HTR1F: variants seen among roughly 807,000 people sequenced by gnomAD.
HTR1F encodes 5-hydroxytryptamine receptor 1F, also known as 5-hydroxytryptamine (serotonin) receptor 1F, G protein-coupled.
In HTR1F, 17 loss-of-function variants were observed where a neutral mutation model predicts 24.0. That is an observed-to-expected ratio of 0.71 (90% CI 0.48 to 1.06). HTR1F has a LOEUF of 1.06. HTR1F is among the 50% of genes least tolerant of loss of function. The probability of loss-of-function intolerance (pLI) is 0.00; values close to 1 mark genes in which losing one functional copy is unlikely to be tolerated. For missense variants in HTR1F, 391 were observed against 427.8 expected, an observed-to-expected ratio of 0.91 and a Z score of 0.76; for synonymous variants, 186 against 156.8, an observed-to-expected ratio of 1.19 and a Z score of -1.39.
At chr3:87,870,114 C>A (rs1370451871) in intron 2 of HTR1F, among the ~76,000 whole-genome samples, 2 of 151,992 alleles carry the variant, frequency 1.3e-5, no homozygotes, top group African/African-American at 4.8e-5. Context: ...TTACTGAGCA[C>A]CATCTATGTA....
At chr3:87,917,864 A>G (rs1703929239) in intron 2 of HTR1F, among the ~76,000 whole-genome samples, 1 of 152,090 alleles carries the variant, frequency 6.6e-6, no homozygotes, top group Non-Finnish European at 1.5e-5. Flanking sequence ...TCCCTAAATC[A>G]TTCTATGAAG....
intron 2 of HTR1F, among the ~76,000 whole-genome samples, chr3:87,922,712 T>A (rs1341113156): frequency 1.3e-5 from 2 of 151,946 alleles, no homozygotes; most frequent in African/African-American, 2.4e-5. Context: ...TAGGGAGAGA[T>A]GGGGTGTAGT....
At chr3:87,940,966 C>A (rs1704554063) in intron 2 of HTR1F, among the ~76,000 whole-genome samples, 1 of 152,226 alleles carries the variant, frequency 6.6e-6, no homozygotes. Flanking sequence ...TACCTGTAAA[C>A]AATGAGGCCA....
intron 2 of HTR1F, among the ~76,000 whole-genome samples, chr3:87,900,590 T>C (rs1706299344): frequency 6.6e-6 from 1 of 152,184 alleles, no homozygotes; most frequent in Admixed American, 6.6e-5. Context: ...GAATATAACA[T>C]AAGCCTGGGT....
At chr3:87,937,070 T>C (rs1704438952) in intron 2 of HTR1F, among the ~76,000 whole-genome samples, 1 of 135,598 alleles carries the variant, frequency 7.4e-6, no homozygotes, top group Non-Finnish European at 1.5e-5. Flanking sequence ...GTACCATCCC[T>C]GTTGAAACTA....
At chr3:87,862,556 G>C (rs192295878) in intron 2 of HTR1F, among the ~76,000 whole-genome samples, 35 of 152,230 alleles carry the variant, frequency 2.3e-4, no homozygotes, top group African/African-American at 8.2e-4. Context: ...CTGATATAAA[G>C]TTTTCAAGAC....
chr3:87,978,509 G>A (rs1705449334), intron 2 of HTR1F, among the ~76,000 whole-genome samples: 1 of 152,132 alleles, frequency 6.6e-6, no homozygotes, highest in Admixed American at 6.5e-5. Context: ...CAGCTCTCAG[G>A]AGACCCAGAG....
At chr3:87,929,934 A>C (rs1400181943) in intron 2 of HTR1F, among the ~76,000 whole-genome samples, 1 of 152,210 alleles carries the variant, frequency 6.6e-6, no homozygotes, top group Non-Finnish European at 1.5e-5. Flanking sequence ...ACCCATGAGC[A>C]TGAAATGTTT....
intron 2 of HTR1F, among the ~76,000 whole-genome samples, chr3:87,885,055 A>T (rs528684777): frequency 6.6e-6 from 1 of 152,302 alleles, no homozygotes; most frequent in East Asian, 1.9e-4. Flanking sequence ...TCAGCACCAC[A>T]TCACACTTAT....
intron 2 of HTR1F, among the ~76,000 whole-genome samples, chr3:87,826,797 G>A (rs745658875): frequency 2.6e-5 from 4 of 152,060 alleles, no homozygotes; most frequent in Non-Finnish European, 4.4e-5. Context: ...ATAATGGAAG[G>A]TGTTGCTATC....
chr3:87,978,815 G>A, intron 2 of HTR1F, among the ~76,000 whole-genome samples: 1 of 140,070 alleles, frequency 7.1e-6, no homozygotes, highest in African/African-American at 2.6e-5. Context: ...AAGACTGAAG[G>A]TCCTATTGCT....
chr3:87,938,696 C>G (rs1013489440), intron 2 of HTR1F, among the ~76,000 whole-genome samples: 1 of 152,124 alleles, frequency 6.6e-6, no homozygotes, highest in Non-Finnish European at 1.5e-5. Context: ...GGAAAGGACT[C>G]CCTATTCAAT....
intron 2 of HTR1F, among the ~76,000 whole-genome samples, chr3:87,939,131 C>T (rs987044278): frequency 2.0e-5 from 3 of 152,152 alleles, no homozygotes; most frequent in African/African-American, 7.2e-5. Flanking sequence ...TTGAGATAAT[C>T]GTGTAGTTTT....
chr3:87,973,341 A>T (rs1046363326), intron 2 of HTR1F, among the ~76,000 whole-genome samples: 15 of 152,080 alleles, frequency 9.9e-5, no homozygotes, highest in African/African-American at 3.6e-4. Flanking sequence ...TTCTCCTACC[A>T]TACTCTTCCT....
chr3:87,831,582 T>C (rs1385626727), intron 2 of HTR1F, among the ~76,000 whole-genome samples: 1 of 151,962 alleles, frequency 6.6e-6, no homozygotes, highest in Non-Finnish European at 1.5e-5. Flanking sequence ...CAGGATGGTC[T>C]CGATTTCCTG....
intron 2 of HTR1F, among the ~76,000 whole-genome samples, chr3:87,862,832 T>C (rs765724386): frequency 3.3e-5 from 5 of 152,150 alleles, no homozygotes; most frequent in Non-Finnish European, 5.9e-5. Flanking sequence ...CTTTTCTTTT[T>C]GAGACACAGT....
rs1419947899 is a variant in HTR1F, at chr3:87,805,974, C to CT, written c.-160+13139dup. ...ACATTCATTACTTTCATGAGAGCAA[C>CT]TTTTTTTAGCTCACAAATATGAGTA... On this transcript the variant is annotated intron_variant, in intron 1 of 2. Transcript: ENST00000319595. Among the ~76,000 whole-genome samples the CT allele has an allele frequency of 7.9e-5, 12 of 152,060 alleles. No homozygotes were observed. In the East Asian group the frequency reaches 2.1e-3, roughly 27 times the overall value.
intron 2 of HTR1F, among the ~76,000 whole-genome samples, chr3:87,915,701 G>T (rs1182884224): frequency 1.3e-5 from 2 of 152,120 alleles, no homozygotes; most frequent in African/African-American, 4.8e-5. Flanking sequence ...CAAGAAGTCT[G>T]GGATTATGTT....
intron 2 of HTR1F, among the ~76,000 whole-genome samples, chr3:87,844,443 A>C (rs1704889141): frequency 7.5e-6 from 1 of 133,924 alleles, no homozygotes; most frequent in South Asian, 2.3e-4. Context: ...TTGTCAGATG[A>C]GTAGGTTGCG....
Sources: gnomAD v4.1 joint callset for allele counts (sites outside exome capture counted in the v4.1 genomes callset) on GRCh38, gnomAD v4.1.1 for gene constraint, MANE v1.5 for transcripts, NCBI Gene and HGNC (gene_info 2026-07-23, HGNC 2026-07-21) for gene names.